The following TLN2 variants were observed in gnomAD, a reference collection of about 807,000 sequenced individuals.
The protein encoded by TLN2 is talin 2.
Under a neutral mutation model 294.7 loss-of-function variants are expected in TLN2, and 118 were observed. The ratio of observed to expected loss-of-function variants is 0.40; its 90% CI spans 0.34 to 0.47. The LOEUF is 0.47. TLN2 is among the 20% of genes least tolerant of loss of function. The pLI is 0.84. For synonymous variants in TLN2, 1,431 were observed against 1,304.5 expected, an observed-to-expected ratio of 1.10 and a Z score of -2.09; for missense variants, 3,083 against 3,282.2, an observed-to-expected ratio of 0.94 and a Z score of 1.48.
chr15:62,681,219 T>A (rs2056801257), intron 11 of TLN2, among the ~76,000 whole-genome samples: 1 of 152,136 alleles, frequency 6.6e-6, no homozygotes, highest in Non-Finnish European at 1.5e-5. Context: ...AGTAACAGAT[T>A]TCTCAAGCCC....
At chr15:62,838,831 A>AATGT in intron 57 of TLN2, 25 bp from the exon 58 acceptor site, 1 of 1,611,660 alleles carries the variant, frequency 6.2e-7, no homozygotes, top group South Asian at 1.1e-5. Context: ...CTAATGATAT[A>AATGT]ATGTATGTTT....
intron 55 of TLN2, chr15:62,834,328 A>C (rs2069225027): frequency 6.6e-6 from 1 of 152,198 alleles, no homozygotes; most frequent in Non-Finnish European, 1.5e-5. Context: ...GAGCCTCTCA[A>C]ATGGAGAGGC....
intron 1 of TLN2, among the ~76,000 whole-genome samples, chr15:62,426,248 T>A (rs565258978): frequency 5.0e-4 from 76 of 152,328 alleles, no homozygotes; most frequent in Non-Finnish European, 8.7e-4. Flanking sequence ...AGGCTGAAAG[T>A]AGGGTAGGTA....
At chr15:62,675,169 T>C in intron 10 of TLN2, 48 bp from the exon 11 acceptor site, 1 of 1,577,182 alleles carries the variant, frequency 6.3e-7, no homozygotes, top group South Asian at 1.1e-5. Flanking sequence ...CAAGTCCACC[T>C]GCTGGCAGAG....
rs554254548 is a variant in TLN2, at chr15:62,542,829, C to G, written c.-237-46858C>G. 2.0e-5 allele frequency among the ~76,000 whole-genome samples: 3 copies of G among 152,038 alleles called. No individual in the cohort carries two copies. The East Asian group carries it at 5.8e-4, about 30-fold the overall frequency. ...ACAGCCTCAGAAGATTCAGGCCTTA[C>G]GAATGAACGCCACATCAACCATAGA... On this transcript the variant is annotated intron_variant, in intron 1 of 58. Transcript: ENST00000636159.
intron 1 of TLN2, among the ~76,000 whole-genome samples, chr15:62,461,109 C>T (rs772133884): frequency 1.7e-4 from 26 of 152,140 alleles, no homozygotes; most frequent in Non-Finnish European, 2.8e-4. Context: ...CTACCATGCC[C>T]GGCTAATTTT....
At chr15:62,590,105 C>T (rs1446227784) in intron 2 of TLN2, among the ~76,000 whole-genome samples, 2 of 151,920 alleles carry the variant, frequency 1.3e-5, no homozygotes, top group African/African-American at 4.8e-5. Context: ...CTTAGTGTGA[C>T]GTGAGGGGGT....
chr15:62,454,219 C>CT (rs1304143832), intron 1 of TLN2, among the ~76,000 whole-genome samples: 2 of 152,140 alleles, frequency 1.3e-5, no homozygotes, highest in African/African-American at 4.8e-5. Context: ...CCGGATGTTT[C>CT]TTTTCCACTG....
Position 62,702,222 on chromosome 15 carries a change from T to G in TLN2, c.1905+22T>G, listed in dbSNP as rs1019614746. ...AGAGGTAAGCTCCAGAGGCAAGCAA[T>G]CACTCAGGTTCTGATGGGACAGCTG... On this transcript the variant is annotated intron_variant, in intron 18 of 58. Coordinates refer to ENST00000636159, the MANE Select transcript of TLN2 (RefSeq NM_015059.3). 3.9e-6 allele frequency: 6 copies of G among 1,557,428 alleles called. No individual in the cohort carries two copies. The African/African-American group carries it at 8.1e-5, about 21-fold the overall frequency.
chr15:62,699,887 A>G (rs1371810874), intron 16 of TLN2, among the ~76,000 whole-genome samples: 1 of 152,204 alleles, frequency 6.6e-6, no homozygotes, highest in East Asian at 1.9e-4. Flanking sequence ...TATTCTCCCC[A>G]GGTGATTCTA....
chr15:62,401,594 T>C (rs1220012975), intron 1 of TLN2, among the ~76,000 whole-genome samples: 1 of 152,158 alleles, frequency 6.6e-6, no homozygotes, highest in East Asian at 1.9e-4. Context: ...GGCCTGGGCA[T>C]TGGTGGGTAA....
At chr15:62,836,392 C>T (rs968796931) in intron 57 of TLN2, among the ~76,000 whole-genome samples, 1 of 152,226 alleles carries the variant, frequency 6.6e-6, no homozygotes, top group Non-Finnish European at 1.5e-5. Context: ...CAGTTTATCC[C>T]TCCTCTGTGC....
At chr15:62,716,586 G>C in intron 23 of TLN2, 127 bp downstream of exon 23, 1 of 1,300,420 alleles carries the variant, frequency 7.7e-7, no homozygotes, top group Admixed American at 3.2e-5. Flanking sequence ...ATCATTGTTT[G>C]AAGGTTTGAG....
chr15:62,749,846 T>C (rs1475594154), intron 33 of TLN2, among the ~76,000 whole-genome samples: 4 of 152,206 alleles, frequency 2.6e-5, no homozygotes, highest in African/African-American at 4.8e-5. Context: ...TGTATTTCTT[T>C]GATGAGGACC....
chr15:62,429,346 TCC>T (rs1487112998), intron 1 of TLN2, among the ~76,000 whole-genome samples: 1 of 152,128 alleles, frequency 6.6e-6, no homozygotes, highest in African/African-American at 2.4e-5. Context: ...CCTGAACCTT[TCC>T]CTTTAGGTGC....
chr15:62,502,041 A>G (rs975646592), intron 1 of TLN2, among the ~76,000 whole-genome samples: 3 of 152,184 alleles, frequency 2.0e-5, no homozygotes, highest in Admixed American at 6.5e-5. Context: ...TCCTAAGCCT[A>G]TGATGGGCCT....
chr15:62,504,803 G>T (rs1395141312), intron 1 of TLN2, among the ~76,000 whole-genome samples: 1 of 149,748 alleles, frequency 6.7e-6, no homozygotes, highest in African/African-American at 2.5e-5. Context: ...AAGGGTAACA[G>T]AAAGTAGTTG....
At chr15:62,811,617 G>A (rs904109002) in intron 52 of TLN2, among the ~76,000 whole-genome samples, 14 of 152,156 alleles carry the variant, frequency 9.2e-5, no homozygotes, top group African/African-American at 3.4e-4. Flanking sequence ...GTGTTATCTG[G>A]GGTGCAGTTT....
At chr15:62,493,746 G>A (rs773728660) in intron 1 of TLN2, among the ~76,000 whole-genome samples, 3 of 152,012 alleles carry the variant, frequency 2.0e-5, no homozygotes, top group Non-Finnish European at 4.4e-5. Flanking sequence ...GAGTAGCTGG[G>A]ACCACAGGCA....
Sources: allele counts gnomAD v4.1 joint callset (sites outside exome capture counted in the v4.1 genomes callset), GRCh38; gene constraint gnomAD v4.1.1; transcripts MANE v1.5; gene names NCBI Gene and HGNC (gene_info 2026-07-23, HGNC 2026-07-21).